The following PRCP variants were observed in gnomAD, a reference collection of about 807,000 sequenced individuals.
The protein encoded by PRCP is lysosomal Pro-X carboxypeptidase.
In PRCP, 46 loss-of-function variants were observed where a neutral mutation model predicts 54.2. That is an observed-to-expected ratio of 0.85 (90% CI 0.67 to 1.09). The LOEUF is 1.09. Among genes scored for constraint, PRCP ranks in the 50% least tolerant of loss-of-function variants. The pLI is 0.00. For synonymous variants in PRCP, 240 were observed against 212.2 expected (o/e 1.13, Z -1.14); for missense variants, 613 against 596.8 (o/e 1.03, Z -0.28).
chr11:82,886,830 T>C (rs1859873147), intron 1 of PRCP, among the ~76,000 whole-genome samples: 1 of 152,220 alleles, frequency 6.6e-6, no homozygotes, highest in African/African-American at 2.4e-5. Flanking sequence ...CATCACAAGA[T>C]GAATACAAAA....
intron 3 of PRCP, among the ~76,000 whole-genome samples, chr11:82,851,730 T>C (rs904032544): frequency 1.3e-5 from 2 of 152,152 alleles, no homozygotes; most frequent in African/African-American, 4.8e-5. Flanking sequence ...GCTACCCTGT[T>C]TGACTTTCAT....
intron 2 of PRCP, among the ~76,000 whole-genome samples, chr11:82,855,478 G>A (rs189618031): frequency 1.3e-5 from 2 of 152,076 alleles, no homozygotes; most frequent in African/African-American, 4.8e-5. Flanking sequence ...ACTTAGCCGG[G>A]CGTGGTGGCG....
chr11:82,893,746 T>C lies in PRCP; in HGVS notation c.168+6489A>G, dbSNP rs141287947. ...GGTTCAAGGCTCTAGTGAGCTATGA[T>C]CACATGGCTTCACTCCAGCCTGAGT... On this transcript the variant is annotated intron_variant, in intron 1 of 8. Transcript: ENST00000313010. 1.3e-3 allele frequency among the ~76,000 whole-genome samples: 202 copies of C among 152,274 alleles called. 3 individuals are homozygous for C. The highest frequency in any genetic ancestry group is 4.6e-3 in the African/African-American group (190 of 41,536).
At chr11:82,883,746 G>T (rs997626648) in intron 1 of PRCP, among the ~76,000 whole-genome samples, 6 of 151,826 alleles carry the variant, frequency 4.0e-5, no homozygotes, top group African/African-American at 1.2e-4. Flanking sequence ...AGGCCTCTCA[G>T]ATGCACAGAT....
chr11:82,830,653 A>AAAAAAAAAAAAAAT (rs1565215932), intron 8 of PRCP: 1 of 150,706 alleles, frequency 6.6e-6, no homozygotes, highest in African/African-American at 2.4e-5. Context: ...AAAAAAAAAA[A>AAAAAAAAAAAAAAT]AACTACACTC....
In PRCP at chr11:82,824,859, TG is replaced by T; in HGVS notation, c.*46del. 1 of 1,527,322 alleles carries T rather than the reference TG, an allele frequency of 6.5e-7. No homozygotes were observed. The highest frequency in any genetic ancestry group is 9.0e-7 in the Non-Finnish European group (1 of 1,113,400). The allele number at this position is 1,527,322 out of a possible 1,614,324, so 94.6% of individuals were successfully genotyped here. On this transcript the variant is annotated 3_prime_UTR_variant, in exon 9 of 9. Coordinates refer to ENST00000313010, the MANE Select transcript of PRCP (RefSeq NM_005040.4). The stretch of plus-strand genomic sequence containing the variant: ...TAGAAAATCAAAGTGAATGGGAATG[TG>T]GTGGTGTGAACATAAAAGAAGAAAT...
chr11:82,824,253 G>A lies in PRCP; in HGVS notation c.*653C>T, dbSNP rs896935790. ...GGCCAACATCCCAGAACTAAGAAAA[G>A]CTGCCAAGTGGAAGAGAAAAAATTA... On this transcript the variant is annotated 3_prime_UTR_variant, in exon 9 of 9. Coordinates refer to ENST00000313010, the MANE Select transcript of PRCP (RefSeq NM_005040.4). 6.6e-6 allele frequency: 1 copy of A among 152,328 alleles called. No homozygotes were observed. The highest frequency in any genetic ancestry group is 1.5e-5 in the Non-Finnish European group (1 of 68,110). 9.4% of individuals were successfully genotyped at this position (152,328 alleles called of 1,614,324 possible).
At chr11:82,873,226 A>C (rs1029006111) in intron 1 of PRCP, among the ~76,000 whole-genome samples, 1 of 152,220 alleles carries the variant, frequency 6.6e-6, no homozygotes, top group African/African-American at 2.4e-5. Context: ...TTTAATCTCC[A>C]AAGTCATAAT....
At position 82,892,738 on chromosome 11, in the gene PRCP, C is replaced by T. The variant is rs190820863; in HGVS notation, c.168+7497G>A. Among the ~76,000 whole-genome samples the T allele has an allele frequency of 3.9e-5, 6 of 152,312 alleles. 1 individual carries two copies. The highest frequency in any genetic ancestry group is 2.6e-4 in the Admixed American group (4 of 15,298). ...AGCAAGAAAACATTTTAAAAATTCG[C>T]CTCACTTCAGGGCTATTTCTTGAAG... On this transcript the variant is annotated intron_variant, in intron 1 of 8. Coordinates refer to ENST00000313010, the MANE Select transcript of PRCP (RefSeq NM_005040.4).
chr11:82,826,568 C>T (rs569725836), intron 8 of PRCP: 1 of 152,156 alleles, frequency 6.6e-6, no homozygotes, highest in Non-Finnish European at 1.5e-5. Context: ...TTTATATTCC[C>T]AGTAGCAACA....
intron 1 of PRCP, among the ~76,000 whole-genome samples, chr11:82,882,276 T>G (rs1859765999): frequency 6.6e-6 from 1 of 152,106 alleles, no homozygotes; most frequent in Admixed American, 6.5e-5. Flanking sequence ...TGTTCTAGGG[T>G]CAACTGCAGT....
At chr11:82,875,098 G>A (rs1859574427) in intron 1 of PRCP, among the ~76,000 whole-genome samples, 1 of 151,994 alleles carries the variant, frequency 6.6e-6, no homozygotes, top group Non-Finnish European at 1.5e-5. Context: ...TCCTGCCCCT[G>A]TGAATAGTGT....
chr11:82,899,927 T>G, intron 1 of PRCP: 1 of 353,558 alleles, frequency 2.8e-6, no homozygotes, highest in Admixed American at 4.6e-5. Context: ...TGAGGGAAGG[T>G]CAAGGGAGTT....
At chr11:82,830,209 G>A (rs942976948) in intron 8 of PRCP, 1 of 151,998 alleles carries the variant, frequency 6.6e-6, no homozygotes, top group African/African-American at 2.4e-5. Flanking sequence ...ACCATACTCT[G>A]TAAGCATAAT....
chr11:82,900,595 G>A (rs2121298406), upstream of PRCP: 1 of 747,214 alleles, frequency 1.3e-6, no homozygotes, highest in Admixed American at 2.0e-5. Flanking sequence ...CCCCATCCCC[G>A]AGGACACCGC....
Position 82,850,035 on chromosome 11 carries a change from C to T in PRCP, c.630G>A (p.Glu210=). The T allele has an allele frequency of 6.1e-6, 9 of 1,463,508 alleles. No homozygotes were observed. The highest frequency in any genetic ancestry group is 8.2e-6 in the Non-Finnish European group (9 of 1,101,892). 90.7% of individuals were successfully genotyped at this position (1,463,508 alleles called of 1,614,324 possible). Residue 210 remains glutamate (E), a synonymous_variant, in exon 5 of 9, where the codon GAG becomes GAA. Coordinates refer to ENST00000313010, the MANE Select transcript of PRCP (RefSeq NM_005040.4). Reference sequence around the variant, plus strand: ...TAAATACACCACAAGGTACTAAATCCTCAAACTGCCAGATAGGGGCAGAAG... The same window carrying T: ...TAAATACACCACAAGGTACTAAATCTTCAAACTGCCAGATAGGGGCAGAAG... The part of the protein sequence containing the change: ...LAASAPIWQF[E]DLVPCGVFMK...
intron 6 of PRCP, chr11:82,845,953 A>G (rs1395879073): frequency 2.6e-5 from 4 of 152,264 alleles, no homozygotes; most frequent in Non-Finnish European, 5.9e-5. Flanking sequence ...CTGAGTGTGC[A>G]AAGCCCAAAG....
At chr11:82,895,418 C>T (rs537737523) in intron 1 of PRCP, among the ~76,000 whole-genome samples, 2 of 152,220 alleles carry the variant, frequency 1.3e-5, no homozygotes, top group Non-Finnish European at 2.9e-5. Context: ...ATCCTCCTAG[C>T]CTCTCAAAAT....
chr11:82,824,834 T>A lies in PRCP; in HGVS notation c.*72A>T. The A allele has an allele frequency of 7.0e-7, 1 of 1,430,440 alleles. No individual in the cohort carries two copies. The highest frequency in any genetic ancestry group is 9.6e-7 in the Non-Finnish European group (1 of 1,041,612). 88.6% of individuals were successfully genotyped at this position (1,430,440 alleles called of 1,614,324 possible). ...ATAAACAAAAGAAGGTAATTACATG[T>A]AGAAAATCAAAGTGAATGGGAATGT... On this transcript the variant is annotated 3_prime_UTR_variant, in exon 9 of 9. Transcript: ENST00000313010.
Sources: gnomAD v4.1 joint callset for allele counts (sites outside exome capture counted in the v4.1 genomes callset) on GRCh38, gnomAD v4.1.1 for gene constraint, MANE v1.5 for transcripts, NCBI Gene and HGNC (gene_info 2026-07-23, HGNC 2026-07-21) for gene names.